The following XRRA1 variants were observed in gnomAD, a reference collection of about 807,000 sequenced individuals.
XRRA1 encodes X-ray radiation resistance associated 1.
Under a neutral mutation model 80.2 loss-of-function variants are expected in XRRA1, and 69 were observed. The observed-to-expected ratio is 0.86, with a 90% CI of 0.71 to 1.05. The LOEUF (loss-of-function observed/expected upper bound fraction) is 1.05. XRRA1 is among the 50% of genes least tolerant of loss of function. The pLI is 0.00. For synonymous variants in XRRA1, 348 were observed against 389.9 expected (o/e 0.89, Z 1.27); for missense variants, 967 against 976.4 (o/e 0.99, Z 0.13).
At position 74,845,074 on chromosome 11, in the gene XRRA1, CT is replaced by C; in HGVS notation, c.1925del (p.Lys642ArgfsTer14). ...GAGCAAGGATATGCCCTCACATACC[CT>C]TTGGCTCAATGAAGGCTGGATCAGG... ...AKPDPAFIEP[K>X]GIQKNAQALQ... On this transcript the variant is annotated frameshift_variant and splice_region_variant, in exon 16 of 19. Coordinates refer to ENST00000684022, the MANE Select transcript of XRRA1 (RefSeq NM_001378157.1). LOFTEE classifies it high-confidence loss of function. 1.2e-6 allele frequency: 2 copies of C among 1,613,322 alleles called. No homozygotes were observed.
chr11:74,902,068 G>A (rs1473693933), intron 10 of XRRA1, among the ~76,000 whole-genome samples: 1 of 152,118 alleles, frequency 6.6e-6, no homozygotes, highest in Non-Finnish European at 1.5e-5. Flanking sequence ...CAACTCCACA[G>A]GGAAAAATCT....
At chr11:74,884,330 T>G (rs2048486796) in intron 10 of XRRA1, among the ~76,000 whole-genome samples, 1 of 152,174 alleles carries the variant, frequency 6.6e-6, no homozygotes, top group Admixed American at 6.5e-5. Context: ...TCTTCCCTTT[T>G]TTTGTTTGTT....
intron 8 of XRRA1, among the ~76,000 whole-genome samples, chr11:74,908,376 T>G (rs2055099540): frequency 6.6e-6 from 1 of 152,096 alleles, no homozygotes; most frequent in Non-Finnish European, 1.5e-5. Flanking sequence ...AAATCACACC[T>G]TTCACATTCA....
rs560368805 is a variant in XRRA1 at position 74,928,341 on chromosome 11, G to A, written c.425-853C>T. 2.6e-5 allele frequency among the ~76,000 whole-genome samples: 4 copies of A among 152,236 alleles called. No individual in the cohort carries two copies. In the East Asian group the frequency reaches 7.7e-4, roughly 29 times the overall value. ...TAAATGAATGATAAACACCTGAAGG[G>A]GGCACCATAATTTTGGGCTTCCCTG... On this transcript the variant is annotated intron_variant, in intron 6 of 18. Transcript: ENST00000684022.
intron 10 of XRRA1, among the ~76,000 whole-genome samples, chr11:74,890,661 C>A (rs978069110): frequency 9.2e-5 from 14 of 151,712 alleles, no homozygotes; most frequent in Middle Eastern, 3.4e-3. Flanking sequence ...GCTAGCAAGA[C>A]TAATAAAGAA....
chr11:74,930,231 T>C, intron 6 of XRRA1, 69 bp downstream of exon 6: 3 of 1,301,422 alleles, frequency 2.3e-6, no homozygotes, highest in Non-Finnish European at 3.2e-6. Flanking sequence ...GACAGACAAA[T>C]CCTAACACAC....
At position 74,859,197 on chromosome 11, in the gene XRRA1, G is replaced by A; in HGVS notation, c.1131C>T (p.Pro377=). The change falls in exon 12 of 19, where the codon CCC becomes CCT. Residue 377 remains proline (P), a synonymous_variant. Coordinates refer to ENST00000684022, the MANE Select transcript of XRRA1 (RefSeq NM_001378157.1). ...LKARNQTLAP[P]FPELRYLSLA... ...GGCTAAGGTATCTCAGCTCTGGGAA[G>A]GGTGGGGCCAGCGTCTGGTTCCTGG... The A allele has an allele frequency of 6.2e-7, 1 of 1,609,510 alleles. No homozygotes were observed. Among genetic ancestry groups the A allele is most frequent in the Non-Finnish European group, 8.5e-7 (1 of 1,178,194 alleles).
At chr11:74,919,809 CAAAGGAAT>C in intron 8 of XRRA1, 1 of 418,970 alleles carries the variant, frequency 2.4e-6, no homozygotes, top group South Asian at 2.1e-5. Flanking sequence ...CTGTCTGGGC[CAAAGGAAT>C]AAGGAATGTC....
At chr11:74,880,194 G>GA (rs2047167850) in intron 10 of XRRA1, among the ~76,000 whole-genome samples, 1 of 152,238 alleles carries the variant, frequency 6.6e-6, no homozygotes, top group East Asian at 1.9e-4. Context: ...TTAGTCTTCA[G>GA]AGAGTGTATG....
At position 74,930,209 on chromosome 11, in the gene XRRA1, C is replaced by T; in HGVS notation, c.424+91G>A. The T allele has an allele frequency of 2.7e-6, 3 of 1,105,388 alleles. No individual in the cohort carries two copies. In the South Asian group the frequency reaches 4.2e-5, roughly 16 times the overall value. 68.5% of individuals were successfully genotyped at this position (1,105,388 alleles called of 1,614,324 possible). On this transcript the variant is annotated intron_variant, in intron 6 of 18. Transcript: ENST00000684022. ...TCCAAAAAAGAGATGTGTGGCCAATCATAGATGGTTGGACAGACAAATCCT... is the reference window on the plus strand; with the variant it reads ...TCCAAAAAAGAGATGTGTGGCCAATTATAGATGGTTGGACAGACAAATCCT...
At chr11:74,872,070 A>G (rs1024919412) in intron 10 of XRRA1, among the ~76,000 whole-genome samples, 2 of 152,216 alleles carry the variant, frequency 1.3e-5, no homozygotes, top group African/African-American at 4.8e-5. Context: ...GTACCTCTTG[A>G]CAACCCTGAT....
intron 5 of XRRA1, among the ~76,000 whole-genome samples, chr11:74,931,024 C>T (rs570789225): frequency 1.3e-5 from 2 of 152,136 alleles, no homozygotes; most frequent in Non-Finnish European, 2.9e-5. Flanking sequence ...CCAGGCTGGT[C>T]TCGAACTGCT....
At chr11:74,941,586 G>A (rs1055413927) in intron 2 of XRRA1, among the ~76,000 whole-genome samples, 7 of 152,260 alleles carry the variant, frequency 4.6e-5, no homozygotes, top group African/African-American at 1.7e-4. Context: ...AAGGGCTTGA[G>A]GTACCAGGCT....
chr11:74,906,953 C>A, intron 9 of XRRA1, 192 bp downstream of exon 9: 1 of 651,538 alleles, frequency 1.5e-6, no homozygotes, highest in Non-Finnish European at 2.5e-6. Flanking sequence ...CAGAAATGTC[C>A]TCACTCATGG....
chr11:74,898,160 ATGTT>A (rs1382878762), intron 10 of XRRA1, among the ~76,000 whole-genome samples: 48 of 152,144 alleles, frequency 3.2e-4, no homozygotes, highest in African/African-American at 9.9e-4. Context: ...TTCTTTTGAC[ATGTT>A]TGTTTGTGCA....
At chr11:74,855,532 C>T (rs185551753) in intron 12 of XRRA1, among the ~76,000 whole-genome samples, 113 of 152,338 alleles carry the variant, frequency 7.4e-4, no homozygotes, top group Non-Finnish European at 3.2e-4. Context: ...AGCCTGTTCT[C>T]TCTCGGGTGA....
chr11:74,846,864 T>C (rs912060108), intron 15 of XRRA1, among the ~76,000 whole-genome samples: 3 of 152,072 alleles, frequency 2.0e-5, no homozygotes, highest in Admixed American at 2.0e-4. Context: ...TCACCACTTC[T>C]GTTCATCATT....
At chr11:74,948,308 G>A (rs540061215) in intron 1 of XRRA1, among the ~76,000 whole-genome samples, 5 of 150,388 alleles carry the variant, frequency 3.3e-5, no homozygotes, top group Admixed American at 3.3e-4. Flanking sequence ...GTACAATATT[G>A]GTGCTCAATA....
chr11:74,936,442 G>A (rs1335405490), intron 4 of XRRA1, among the ~76,000 whole-genome samples: 1 of 152,222 alleles, frequency 6.6e-6, no homozygotes, highest in Non-Finnish European at 1.5e-5. Context: ...ACTAGGTGCT[G>A]GAATGCAATT....
Sources: gnomAD v4.1 joint callset for allele counts (sites outside exome capture counted in the v4.1 genomes callset) on GRCh38, gnomAD v4.1.1 for gene constraint, MANE v1.5 for transcripts, NCBI Gene and HGNC (gene_info 2026-07-23, HGNC 2026-07-21) for gene names.